FUT8: variants seen among roughly 807,000 people sequenced by gnomAD.
The protein encoded by FUT8 is alpha-(1,6)-fucosyltransferase.
Under a neutral mutation model 71.3 loss-of-function variants are expected in FUT8, and 29 were observed. That is an observed-to-expected ratio of 0.41 (90% CI 0.30 to 0.55). The LOEUF (loss-of-function observed/expected upper bound fraction) is 0.55. FUT8 is among the 20% of genes least tolerant of loss of function. FUT8 has a pLI of 0.34. For synonymous variants in FUT8, 254 were observed against 239.3 expected (o/e 1.06, Z -0.57); for missense variants, 544 against 702.1 (o/e 0.77, Z 2.55).
At chr14:65,527,539 C>G (rs753855662) in intron 2 of FUT8, among the ~76,000 whole-genome samples, 9 of 152,104 alleles carry the variant, frequency 5.9e-5, no homozygotes, top group Admixed American at 1.3e-4. Flanking sequence ...GAAGTTTGAT[C>G]GTCTGAAGCC....
intron 2 of FUT8, among the ~76,000 whole-genome samples, chr14:65,504,904 T>C (rs1311603886): frequency 6.6e-6 from 1 of 152,074 alleles, no homozygotes; most frequent in Non-Finnish European, 1.5e-5. Context: ...ATTGTGCCAT[T>C]GCACGCCGGG....
intron 3 of FUT8, among the ~76,000 whole-genome samples, chr14:65,596,569 G>A (rs754661218): frequency 1.6e-4 from 25 of 152,156 alleles, no homozygotes; most frequent in Non-Finnish European, 2.4e-4. Flanking sequence ...GGTTTTTGAA[G>A]GAGATGATGG....
intron 3 of FUT8, among the ~76,000 whole-genome samples, chr14:65,573,459 GAA>G (rs1251192770): frequency 6.6e-6 from 1 of 151,834 alleles, no homozygotes; most frequent in Non-Finnish European, 1.5e-5. Context: ...ATTTTGAAGA[GAA>G]AGTAAAATTT....
intron 2 of FUT8, among the ~76,000 whole-genome samples, chr14:65,560,525 TGGGGAGAAAATAGTTTTGTTTCCA>T: frequency 6.6e-6 from 1 of 152,202 alleles, no homozygotes; most frequent in African/African-American, 2.4e-5. Context: ...AATTCTCTCC[TGGGGAGAAAATAGTTTTGTTTCCA>T]AGGGAATTCT....
intron 6 of FUT8, among the ~76,000 whole-genome samples, chr14:65,656,134 C>T (rs900113701): frequency 1.7e-4 from 26 of 151,598 alleles, no homozygotes; most frequent in African/African-American, 5.8e-4. Flanking sequence ...AAGAAATGAC[C>T]AACATCCAAA....
rs940100482 is a variant in FUT8 at position 65,567,245 on chromosome 14, G to A, written c.203+5479G>A. 2.6e-5 allele frequency among the ~76,000 whole-genome samples: 4 copies of A among 152,026 alleles called. No homozygotes were observed. In the East Asian group the frequency reaches 7.7e-4, roughly 29 times the overall value. ...GAATTTAGATGCTAGCTGTAAAACTGTAAATTTAAAAACCACAAAGAATGT... is the reference window on the plus strand; with the variant it reads ...GAATTTAGATGCTAGCTGTAAAACTATAAATTTAAAAACCACAAAGAATGT... On this transcript the variant is annotated intron_variant, in intron 3 of 10. Transcript: ENST00000673929.
chr14:65,370,109 T>C, the FUT8 span, among the ~76,000 whole-genome samples: 115 of 150,974 alleles, frequency 7.6e-4, no homozygotes, highest in African/African-American at 2.7e-3. Context: ...AAAAAAATGG[T>C]AACTACAGTG....
intron 1 of FUT8, among the ~76,000 whole-genome samples, chr14:65,421,748 T>A (rs201529407): frequency 1.2e-4 from 1 of 8,166 alleles, no homozygotes; most frequent in South Asian, 5.1e-3. Flanking sequence ...CACCCCCCCC[T>A]TTTTTTTTTT....
intron 3 of FUT8, among the ~76,000 whole-genome samples, chr14:65,605,817 C>G (rs1888553366): frequency 6.6e-6 from 1 of 151,834 alleles, no homozygotes; most frequent in Non-Finnish European, 1.5e-5. Flanking sequence ...GAGAGTATCT[C>G]TGTTTCAATT....
At chr14:65,448,819 G>T (rs149325840) in intron 1 of FUT8, among the ~76,000 whole-genome samples, 1 of 152,282 alleles carries the variant, frequency 6.6e-6, no homozygotes, top group African/African-American at 2.4e-5. Context: ...TAACTGAAAG[G>T]ATAATGACTG....
intron 3 of FUT8, among the ~76,000 whole-genome samples, chr14:65,615,681 A>C (rs746550696): frequency 6.6e-6 from 1 of 152,152 alleles, no homozygotes; most frequent in Non-Finnish European, 1.5e-5. Context: ...GCCACTGATC[A>C]TGGTACTCTG....
intron 6 of FUT8, among the ~76,000 whole-genome samples, chr14:65,654,161 T>C (rs1461997614): frequency 1.3e-5 from 2 of 152,238 alleles, no homozygotes; most frequent in East Asian, 3.9e-4. Context: ...TTTAAAACAA[T>C]GTCATAAAAG....
chr14:65,376,359 TGTG>T, the FUT8 span, among the ~76,000 whole-genome samples: 2 of 152,118 alleles, frequency 1.3e-5, no homozygotes, highest in East Asian at 3.9e-4. Flanking sequence ...AAGAAGAACA[TGTG>T]GTGGTGGTAG....
At chr14:65,560,517 TTCTC>T (rs1437382655) in intron 2 of FUT8, among the ~76,000 whole-genome samples, 1 of 152,110 alleles carries the variant, frequency 6.6e-6, no homozygotes, top group Non-Finnish European at 1.5e-5. Flanking sequence ...TGCCTACAAA[TTCTC>T]TCCTGGGGAG....
At chr14:65,531,146 C>G (rs946112433) in intron 2 of FUT8, among the ~76,000 whole-genome samples, 11 of 151,340 alleles carry the variant, frequency 7.3e-5, no homozygotes, top group Non-Finnish European at 1.5e-4. Context: ...TTGGGAATGT[C>G]TCATTAAATA....
rs1043965477 is a variant in FUT8 at position 65,413,971 on chromosome 14, T to G, written c.-326+757T>G. ...TTAAGTGGCAGTGTCATGCTTAGGG[T>G]TTGTCCCGGATGAGCTTTTATTTTA... On this transcript the variant is annotated intron_variant, in intron 1 of 10. Coordinates refer to ENST00000673929, the MANE Select transcript of FUT8 (RefSeq NM_001371533.1). This position sits in a 1 kb window ranked among gnomAD's most constrained non-coding sequence, Gnocchi z 4.1. Among the ~76,000 whole-genome samples, 1 of 152,024 alleles carries G rather than the reference T, an allele frequency of 6.6e-6. No individual in the cohort carries two copies. The highest frequency in any genetic ancestry group is 1.9e-4 in the East Asian group (1 of 5,188).
At chr14:65,361,233 G>C in the FUT8 span, among the ~76,000 whole-genome samples, 31 of 151,634 alleles carry the variant, frequency 2.0e-4, no homozygotes, top group African/African-American at 7.3e-4. Context: ...GTGTGCACCT[G>C]TAATCCCAGC....
intron 6 of FUT8, among the ~76,000 whole-genome samples, chr14:65,661,914 TGTG>T (rs1220114621): frequency 6.6e-6 from 1 of 152,248 alleles, no homozygotes; most frequent in African/African-American, 2.4e-5. Context: ...GTTATGATGG[TGTG>T]TTTACTGAAT....
At position 65,545,780 on chromosome 14, in the gene FUT8, C is replaced by T. The variant is rs376531099; in HGVS notation, c.-227-15557C>T. Among the ~76,000 whole-genome samples the T allele has an allele frequency of 9.2e-5, 14 of 151,808 alleles. No individual in the cohort carries two copies. In the East Asian group the frequency reaches 2.5e-3, roughly 27 times the overall value. On this transcript the variant is annotated intron_variant, in intron 2 of 10. Transcript: ENST00000673929. The stretch of plus-strand genomic sequence containing the variant: ...GTTAGGTTAGTAAGAATGTTCAGTA[C>T]AATTTCTCTGGTTTGTTAATTATAT...
Sources: gnomAD v4.1 joint callset for allele counts (sites outside exome capture counted in the v4.1 genomes callset) on GRCh38, gnomAD v4.1.1 for gene constraint, Gnocchi (gnomAD v3.1) non-coding constraint, MANE v1.5 for transcripts, NCBI Gene and HGNC (gene_info 2026-07-23, HGNC 2026-07-21) for gene names.